The following CPNE2 variants were observed in gnomAD, a reference collection of about 807,000 sequenced individuals.
The protein encoded by CPNE2 is copine-2.
In CPNE2, 42 loss-of-function variants were observed where a neutral mutation model predicts 69.7. The observed-to-expected ratio is 0.60, with a 90% CI of 0.47 to 0.78. The LOEUF is 0.78. Among genes scored for constraint, CPNE2 ranks in the 30% least tolerant of loss-of-function variants. CPNE2 has a pLI of 0.00. For synonymous variants in CPNE2, 294 were observed against 289.8 expected (o/e 1.01, Z -0.15); for missense variants, 587 against 732.0 (o/e 0.80, Z 2.29).
chr16:57,120,286 A>G (rs12596877), intron 7 of CPNE2, among the ~76,000 whole-genome samples: 12,242 of 146,692 alleles, frequency 0.083, 1,042 homozygotes, highest in East Asian at 0.38. Context: ...AAAAAAAAAA[A>G]GTTATAGGCC....
chr16:57,115,910 G>T (rs1285555907), intron 4 of CPNE2, among the ~76,000 whole-genome samples: 1 of 152,224 alleles, frequency 6.6e-6, no homozygotes, highest in Non-Finnish European at 1.5e-5. Flanking sequence ...CAGTAATTCC[G>T]CTGGAGATGC....
At position 57,121,200 on chromosome 16, in the gene CPNE2, G is replaced by T. The variant is rs2069759482; in HGVS notation, c.780+9G>T. 2.5e-6 allele frequency: 4 copies of T among 1,612,054 alleles called. No homozygotes were observed. Among genetic ancestry groups the T allele is most frequent in the Non-Finnish European group, 3.4e-6 (4 of 1,178,556 alleles). ...CTCGAGACAGCGTCCCGGTGAGATG[G>T]GCACGTGTACTGTAACCCCAAGACC... On this transcript the variant is annotated intron_variant, in intron 8 of 15. Coordinates refer to ENST00000290776, the MANE Select transcript of CPNE2 (RefSeq NM_152727.6).
chr16:57,129,402 C>G (rs1269700612), intron 12 of CPNE2, among the ~76,000 whole-genome samples: 1 of 152,012 alleles, frequency 6.6e-6, no homozygotes, highest in African/African-American at 2.4e-5. Flanking sequence ...GAGTGTGGGC[C>G]GAAGAGGTCA....
intron 12 of CPNE2, among the ~76,000 whole-genome samples, chr16:57,131,231 G>A (rs1597502469): frequency 6.6e-6 from 1 of 152,382 alleles, no homozygotes; most frequent in African/African-American, 2.4e-5. Flanking sequence ...TCCTAAGCCT[G>A]CACATGGGTC....
intron 7 of CPNE2, among the ~76,000 whole-genome samples, chr16:57,119,851 C>A (rs2069748592): frequency 6.6e-6 from 1 of 152,244 alleles, no homozygotes; most frequent in Admixed American, 6.5e-5. Flanking sequence ...AGGGCCCCCA[C>A]CTTTGAGCCC....
intron 12 of CPNE2, among the ~76,000 whole-genome samples, chr16:57,133,272 C>T (rs1212135502): frequency 6.6e-6 from 1 of 152,082 alleles, no homozygotes; most frequent in Non-Finnish European, 1.5e-5. Context: ...CTGTGCCGGG[C>T]GCCTAAAGCA....
At chr16:57,102,619 T>A (rs1187235684) in intron 1 of CPNE2, among the ~76,000 whole-genome samples, 4 of 151,570 alleles carry the variant, frequency 2.6e-5, no homozygotes, top group African/African-American at 4.8e-5. Flanking sequence ...TTTTTTTTTT[T>A]GAGAGAGGGT....
intron 1 of CPNE2, chr16:57,094,057 G>T (rs757219367): frequency 2.2e-6 from 1 of 456,620 alleles, no homozygotes; most frequent in South Asian, 1.5e-5. Context: ...GCATGAAGGC[G>T]TGGTTTTATG....
At chr16:57,094,768 G>A (rs1056880505) in intron 1 of CPNE2, among the ~76,000 whole-genome samples, 2 of 152,184 alleles carry the variant, frequency 1.3e-5, no homozygotes, top group African/African-American at 4.8e-5. Context: ...TCCCCCTCCC[G>A]TCAGGACTTC....
intron 7 of CPNE2, among the ~76,000 whole-genome samples, chr16:57,120,303 G>A (rs1349247238): frequency 4.1e-5 from 6 of 145,040 alleles, no homozygotes; most frequent in Non-Finnish European, 6.1e-5. Context: ...GGCCGGGCGC[G>A]GTGGCTCATG....
At chr16:57,127,316 A>G (rs1422136859) in intron 11 of CPNE2, among the ~76,000 whole-genome samples, 7 of 152,088 alleles carry the variant, frequency 4.6e-5, no homozygotes, top group Non-Finnish European at 2.9e-5. Flanking sequence ...ATGTGAAGGT[A>G]CCCTATGTGT....
chr16:57,123,494 T>A, intron 10 of CPNE2, 21 bp downstream of exon 10: 2 of 1,611,866 alleles, frequency 1.2e-6, no homozygotes, highest in Non-Finnish European at 8.5e-7. Context: ...CCCCGCTGGC[T>A]CCCTCTGCAC....
intron 11 of CPNE2, among the ~76,000 whole-genome samples, chr16:57,127,370 G>T (rs577980107): frequency 6.6e-6 from 1 of 152,302 alleles, no homozygotes; most frequent in South Asian, 2.1e-4. Flanking sequence ...AGGGGAGTGG[G>T]GTGTGAAGGG....
chr16:57,093,532 C>T (rs1214763809), intron 1 of CPNE2, among the ~76,000 whole-genome samples: 1 of 152,026 alleles, frequency 6.6e-6, no homozygotes, highest in African/African-American at 2.4e-5. Flanking sequence ...CGCTCCACGT[C>T]CCCCCGAGTT....
chr16:57,136,199 A>G (rs530777887), intron 13 of CPNE2, among the ~76,000 whole-genome samples: 9 of 152,354 alleles, frequency 5.9e-5, no homozygotes, highest in African/African-American at 2.2e-4. Flanking sequence ...CTTGGCTTCA[A>G]CATAGCATCT....
intron 15 of CPNE2, 54 bp from the exon 16 acceptor site, chr16:57,147,497 G>T (rs967926351): frequency 7.6e-7 from 1 of 1,312,506 alleles, no homozygotes; most frequent in Non-Finnish European, 1.0e-6. Context: ...CACAACTTCC[G>T]GTCATTAATC....
At chr16:57,140,244 C>T (rs1440555872) in intron 14 of CPNE2, among the ~76,000 whole-genome samples, 2 of 152,058 alleles carry the variant, frequency 1.3e-5, no homozygotes, top group East Asian at 3.9e-4. Context: ...AATCTTGGCT[C>T]ACTGCAACCT....
At chr16:57,101,317 A>G (rs144399904) in intron 1 of CPNE2, among the ~76,000 whole-genome samples, 1 of 152,316 alleles carries the variant, frequency 6.6e-6, no homozygotes, top group East Asian at 1.9e-4. Context: ...GTTGCCATTT[A>G]TCTTCCTGGA....
chr16:57,103,176 G>A (rs1361105265), intron 1 of CPNE2, among the ~76,000 whole-genome samples: 2 of 152,042 alleles, frequency 1.3e-5, no homozygotes, highest in African/African-American at 4.8e-5. Context: ...AGATTCGAGC[G>A]CAGTGGCACA....
Sources: gnomAD v4.1 joint callset for allele counts (sites outside exome capture counted in the v4.1 genomes callset) on GRCh38, gnomAD v4.1.1 for gene constraint, MANE v1.5 for transcripts, NCBI Gene and HGNC (gene_info 2026-07-23, HGNC 2026-07-21) for gene names.